The following CSTPP1 variants were observed in gnomAD, a reference collection of about 807,000 sequenced individuals.
CSTPP1 encodes UPF0705 protein C11orf49.
the CSTPP1 span, chr11:47,157,243 A>C: frequency 3.3e-6 from 5 of 1,534,676 alleles, no homozygotes; most frequent in Non-Finnish European, 4.4e-6. Flanking sequence ...TGCAGCCCCC[A>C]GCCCCCCAGC....
chr11:47,046,125 G>A, the CSTPP1 span, among the ~76,000 whole-genome samples: 1 of 151,932 alleles, frequency 6.6e-6, no homozygotes, highest in African/African-American at 2.4e-5. Context: ...ATATTGTCCT[G>A]TAGGTATGGG....
At chr11:47,101,002 AT>A in the CSTPP1 span, among the ~76,000 whole-genome samples, 415 of 139,222 alleles carry the variant, frequency 3.0e-3, no homozygotes, top group Admixed American at 3.6e-3. Flanking sequence ...TTCTGAGGGA[AT>A]TTTTTTTTTT....
chr11:47,122,093 T>C, the CSTPP1 span, among the ~76,000 whole-genome samples: 1 of 48,640 alleles, frequency 2.1e-5, no homozygotes, highest in Non-Finnish European at 4.0e-5. Context: ...AAAAAAAAAA[T>C]ATATATATAT....
chr11:47,118,895 A>G, the CSTPP1 span, among the ~76,000 whole-genome samples: 1 of 152,222 alleles, frequency 6.6e-6, no homozygotes, highest in Non-Finnish European at 1.5e-5. Context: ...GTGTCTCCCA[A>G]TTAGGCTTCA....
At chr11:47,064,027 A>C in the CSTPP1 span, among the ~76,000 whole-genome samples, 1 of 152,166 alleles carries the variant, frequency 6.6e-6, no homozygotes, top group Non-Finnish European at 1.5e-5. Context: ...CATCCTAAAG[A>C]ATGTGAAGTG....
chr11:47,160,271 G>A, the CSTPP1 span: 1 of 142,620 alleles, frequency 7.0e-6, no homozygotes, highest in African/African-American at 2.7e-5. Flanking sequence ...CTGCACTCCA[G>A]CCTGGGTGAC....
chr11:47,128,337 G>C, the CSTPP1 span, among the ~76,000 whole-genome samples: 1 of 152,162 alleles, frequency 6.6e-6, no homozygotes, highest in Non-Finnish European at 1.5e-5. Context: ...GCTAAAAAAG[G>C]CTTTGTTTTT....
the CSTPP1 span, among the ~76,000 whole-genome samples, chr11:47,163,192 A>C: frequency 6.6e-6 from 1 of 151,504 alleles, no homozygotes; most frequent in African/African-American, 2.4e-5. Context: ...AAAAAAAAAA[A>C]AGCTCAGGCT....
At chr11:47,089,761 G>A in the CSTPP1 span, among the ~76,000 whole-genome samples, 8 of 152,186 alleles carry the variant, frequency 5.3e-5, no homozygotes, top group Non-Finnish European at 1.2e-4. Context: ...ATAAATCACA[G>A]TATTGATCAG....
chr11:46,942,792 A>AAGG, the CSTPP1 span, among the ~76,000 whole-genome samples: 8 of 152,214 alleles, frequency 5.3e-5, no homozygotes, highest in African/African-American at 1.9e-4. Flanking sequence ...TTTTATAAAT[A>AAGG]AGGAAGCTGA....
At chr11:46,998,916 A>G in the CSTPP1 span, among the ~76,000 whole-genome samples, 4 of 151,562 alleles carry the variant, frequency 2.6e-5, no homozygotes, top group Non-Finnish European at 5.9e-5. Flanking sequence ...TGTTTTTTGT[A>G]TTTTTAGTAG....
At chr11:47,083,047 C>A in the CSTPP1 span, among the ~76,000 whole-genome samples, 1 of 151,986 alleles carries the variant, frequency 6.6e-6, no homozygotes, top group African/African-American at 2.4e-5. Flanking sequence ...ACCTCACCCC[C>A]CAACAGGCCC....
chr11:47,091,200 G>C, the CSTPP1 span, among the ~76,000 whole-genome samples: 1 of 151,578 alleles, frequency 6.6e-6, no homozygotes, highest in Non-Finnish European at 1.5e-5. Flanking sequence ...GACCATCCTA[G>C]CTAACACGGT....
the CSTPP1 span, among the ~76,000 whole-genome samples, chr11:46,939,239 C>T: frequency 4.6e-5 from 7 of 151,486 alleles, no homozygotes; most frequent in Admixed American, 3.9e-4. Context: ...TACAGGCATG[C>T]GCCACCACGC....
the CSTPP1 span, among the ~76,000 whole-genome samples, chr11:47,133,511 T>A: frequency 1.3e-5 from 2 of 152,192 alleles, no homozygotes; most frequent in Non-Finnish European, 2.9e-5. Flanking sequence ...GAGACCACGG[T>A]GTGGCCACCA....
At chr11:47,152,769 G>C in the CSTPP1 span, among the ~76,000 whole-genome samples, 1 of 152,212 alleles carries the variant, frequency 6.6e-6, no homozygotes, top group African/African-American at 2.4e-5. Flanking sequence ...TGCTATGGGA[G>C]TGCTGTGTTC....
At chr11:47,133,335 T>G in the CSTPP1 span, among the ~76,000 whole-genome samples, 1 of 152,214 alleles carries the variant, frequency 6.6e-6, no homozygotes, top group Non-Finnish European at 1.5e-5. Context: ...CTGATTTTGA[T>G]CTTACACCAA....
chr11:46,938,777 C>CTTTTT, the CSTPP1 span, among the ~76,000 whole-genome samples: 1 of 89,726 alleles, frequency 1.1e-5, no homozygotes, highest in Non-Finnish European at 2.8e-5. Flanking sequence ...TTTTTTTCTT[C>CTTTTT]TTCTTTTTTT....
the CSTPP1 span, among the ~76,000 whole-genome samples, chr11:46,954,864 G>A: frequency 6.6e-6 from 1 of 151,656 alleles, no homozygotes; most frequent in East Asian, 1.9e-4. Context: ...CCAGGGAAAG[G>A]AGAAGGGAAG....
Sources: allele counts gnomAD v4.1 joint callset (sites outside exome capture counted in the v4.1 genomes callset), GRCh38; gene constraint gnomAD v4.1.1; transcripts MANE v1.5; gene names NCBI Gene and HGNC (gene_info 2026-07-23, HGNC 2026-07-21).